USH2A: variants seen among roughly 807,000 people sequenced by gnomAD.
USH2A encodes the protein usherin.
USH2A carries 443 observed loss-of-function variants against 538.9 expected under a neutral mutation model. That is an observed-to-expected ratio of 0.82 (90% CI 0.76 to 0.89). USH2A has a LOEUF of 0.89. Among genes scored for constraint, USH2A ranks in the 40% least tolerant of loss-of-function variants. The probability of loss-of-function intolerance (pLI) is 0.00; values close to 1 mark genes in which losing one functional copy is unlikely to be tolerated. For synonymous variants in USH2A, 2,413 were observed against 2,273.5 expected (o/e 1.06, Z -1.75); for missense variants, 6,633 against 6,324.8 (o/e 1.05, Z -1.65).
chr1:215,776,870 C>T (rs1054444458), intron 55 of USH2A, among the ~76,000 whole-genome samples: 4 of 152,032 alleles, frequency 2.6e-5, no homozygotes, highest in East Asian at 3.9e-4. Flanking sequence ...CTCAAGTTTC[C>T]GATTATCTAA....
At chr1:215,793,261 G>C (rs2102772710) in intron 50 of USH2A, among the ~76,000 whole-genome samples, 1 of 152,022 alleles carries the variant, frequency 6.6e-6, no homozygotes, top group East Asian at 1.9e-4. Context: ...ATGCCTTTGA[G>C]ATAAAAATAG....
chr1:215,841,691 A>T (rs1663679493), intron 46 of USH2A, among the ~76,000 whole-genome samples: 1 of 152,242 alleles, frequency 6.6e-6, no homozygotes, highest in South Asian at 2.1e-4. Flanking sequence ...AAAAATTGAC[A>T]AATGGGATCT....
At chr1:216,275,473 C>A (rs2036654841) in intron 11 of USH2A, among the ~76,000 whole-genome samples, 1 of 152,062 alleles carries the variant, frequency 6.6e-6, no homozygotes, top group African/African-American at 2.4e-5. Flanking sequence ...GCTTAACTAT[C>A]TGTTTTATTT....
intron 14 of USH2A, among the ~76,000 whole-genome samples, chr1:216,225,915 C>T (rs2035551701): frequency 6.6e-6 from 1 of 152,060 alleles, no homozygotes; most frequent in African/African-American, 2.4e-5. Flanking sequence ...GCGTGGCAGG[C>T]ATCTGAATGG....
intron 37 of USH2A, among the ~76,000 whole-genome samples, chr1:215,950,122 C>A (rs1377058339): frequency 6.6e-6 from 1 of 151,984 alleles, no homozygotes; most frequent in Non-Finnish European, 1.5e-5. Context: ...CAAGTGTCTT[C>A]AAAAATATAC....
rs979460757 is a variant in USH2A, at chr1:215,624,765, A to G, written c.*1016T>C. The G allele has an allele frequency of 2.0e-5, 3 of 152,162 alleles. No individual in the cohort carries two copies. Among genetic ancestry groups the G allele is most frequent in the Non-Finnish European group, 2.9e-5 (2 of 68,012 alleles). 9.4% of individuals were successfully genotyped at this position (152,162 alleles called of 1,614,324 possible). ...AAAAGAAGGGATATAGTGCAGAGTA[A>G]TATATACATGATATACATATATATA... On this transcript the variant is annotated 3_prime_UTR_variant, in exon 72 of 72. Coordinates refer to ENST00000307340, the MANE Select transcript of USH2A (RefSeq NM_206933.4).
At chr1:216,240,213 C>G (rs1226650938) in intron 13 of USH2A, among the ~76,000 whole-genome samples, 3 of 152,068 alleles carry the variant, frequency 2.0e-5, no homozygotes, top group South Asian at 2.1e-4. Flanking sequence ...AAATACCTTC[C>G]CCAACCAGGA....
At chr1:216,044,944 G>A (rs1210273675) in intron 32 of USH2A, among the ~76,000 whole-genome samples, 2 of 152,018 alleles carry the variant, frequency 1.3e-5, no homozygotes, top group Non-Finnish European at 2.9e-5. Flanking sequence ...GACTAGAGGG[G>A]GGCCAAAAAA....
At chr1:216,126,037 C>T (rs1322137828) in intron 21 of USH2A, among the ~76,000 whole-genome samples, 1 of 152,062 alleles carries the variant, frequency 6.6e-6, no homozygotes, top group African/African-American at 2.4e-5. Context: ...TGCCTTTTCC[C>T]CTTATCAAAG....
chr1:215,753,039 A>T (rs989552917), intron 58 of USH2A, among the ~76,000 whole-genome samples: 3 of 152,238 alleles, frequency 2.0e-5, no homozygotes. Context: ...ACATTTATGC[A>T]GCCAAAAGAC....
At chr1:216,011,794 T>G (rs1311991379) in intron 32 of USH2A, among the ~76,000 whole-genome samples, 2 of 151,736 alleles carry the variant, frequency 1.3e-5, no homozygotes, top group African/African-American at 4.9e-5. Flanking sequence ...TCAGCTGTAC[T>G]CACTCTTTGT....
chr1:215,860,204 C>A (rs1008042872), intron 44 of USH2A, among the ~76,000 whole-genome samples: 2 of 152,280 alleles, frequency 1.3e-5, no homozygotes, highest in East Asian at 1.9e-4. Context: ...AAGCAAAACT[C>A]TTTTCCTTAT....
At chr1:215,764,940 G>T (rs568901599) in intron 56 of USH2A, among the ~76,000 whole-genome samples, 1 of 150,768 alleles carries the variant, frequency 6.6e-6, no homozygotes, top group Admixed American at 6.6e-5. Context: ...TTATTTCTTT[G>T]CATGATTATT....
intron 47 of USH2A, among the ~76,000 whole-genome samples, chr1:215,836,487 A>ATT (rs1178843914): frequency 0.32 from 2,218 of 6,860 alleles, 362 homozygotes; most frequent in African/African-American, 0.41. Flanking sequence ...TATAATATAT[A>ATT]TTATATATAT....
In USH2A at chr1:215,674,096, C is replaced by G. The variant is rs1488757510; in HGVS notation, c.13811+4G>C. On this transcript the variant is annotated splice_donor_region_variant and intron_variant, in intron 63 of 71. Transcript: ENST00000307340. ...TCTCAGAAAACCGAGACATGGCTAC[C>G]TACCTGTGAAATGGCTTCAGCTGGT... The G allele has an allele frequency of 6.2e-7, 1 of 1,613,864 alleles. No individual in the cohort carries two copies. Among genetic ancestry groups the G allele is most frequent in the Non-Finnish European group, 8.5e-7 (1 of 1,180,000 alleles).
chr1:216,161,298 T>G (rs2034054583), intron 21 of USH2A, among the ~76,000 whole-genome samples: 1 of 152,066 alleles, frequency 6.6e-6, no homozygotes, highest in Admixed American at 6.6e-5. Flanking sequence ...TTTATCAGCT[T>G]AACCTGTGTT....
intron 14 of USH2A, among the ~76,000 whole-genome samples, chr1:216,222,995 A>G (rs1239435431): frequency 6.6e-6 from 1 of 151,842 alleles, no homozygotes; most frequent in East Asian, 1.9e-4. Flanking sequence ...AAAAAAAAAA[A>G]AAAAGATTGT....
At chr1:216,203,539 G>A (rs749757822) in intron 16 of USH2A, among the ~76,000 whole-genome samples, 6 of 151,984 alleles carry the variant, frequency 3.9e-5, no homozygotes, top group African/African-American at 7.3e-5. Context: ...GGAAACTACC[G>A]CATTAAGAAT....
chr1:215,734,701 T>C (rs1026020230), intron 60 of USH2A, among the ~76,000 whole-genome samples: 10 of 152,200 alleles, frequency 6.6e-5, no homozygotes, highest in Non-Finnish European at 1.3e-4. Context: ...ACCCTAGGTT[T>C]TTACTCTTAA....
Sources: gnomAD v4.1 joint callset for allele counts (sites outside exome capture counted in the v4.1 genomes callset) on GRCh38, gnomAD v4.1.1 for gene constraint, MANE v1.5 for transcripts, NCBI Gene and HGNC (gene_info 2026-07-23, HGNC 2026-07-21) for gene names.